Variants in KIAA1586 observed in about 807,000 individuals in gnomAD.
KIAA1586 encodes the protein E3 SUMO-protein ligase KIAA1586.
KIAA1586 carries 5 observed loss-of-function variants against 6.1 expected under a neutral mutation model. The ratio of observed to expected loss-of-function variants is 0.82; its 90% CI spans 0.43 to 1.73. The LOEUF (loss-of-function observed/expected upper bound fraction) is 1.73, where lower values mean the gene tolerates loss of function less well. KIAA1586 is among the 40% of genes most tolerant of loss of function. The probability of loss-of-function intolerance (pLI) is 0.02; values close to 1 mark genes in which losing one functional copy is unlikely to be tolerated. For missense variants in KIAA1586, 899 were observed against 878.2 expected, an observed-to-expected ratio of 1.02 and a Z score of -0.30; for synonymous variants, 280 against 301.7, an observed-to-expected ratio of 0.93 and a Z score of 0.75.
At chr6:57,063,450 C>CTT in the KIAA1586 span, among the ~76,000 whole-genome samples, 3,937 of 102,486 alleles carry the variant, frequency 0.038, 478 homozygotes, top group African/African-American at 0.11. Flanking sequence ...TATGTTATTT[C>CTT]TTTTTTTTTT....
At chr6:57,048,476 G>A (rs1056249999) in intron 2 of KIAA1586, among the ~76,000 whole-genome samples, 5 of 152,140 alleles carry the variant, frequency 3.3e-5, no homozygotes, top group Admixed American at 6.5e-5. Context: ...CCAATTAATA[G>A]TGTGTGTATA....
rs371673012 is a variant in KIAA1586, at chr6:57,050,205, C to T, written c.106-569C>T. ...GAAAGGAATCTACATGGCTTTATTC[C>T]TCTATATAGATTTAGGCTCTTTGGG... On this transcript the variant is annotated intron_variant, in intron 2 of 3. Transcript: ENST00000370733. Among the ~76,000 whole-genome samples the T allele has an allele frequency of 4.0e-5, 6 of 149,814 alleles. No homozygotes were observed. The South Asian group carries it at 8.5e-4, about 21-fold the overall frequency.
intron 2 of KIAA1586, among the ~76,000 whole-genome samples, chr6:57,049,105 C>T (rs1482034319): frequency 6.6e-6 from 1 of 152,144 alleles, no homozygotes; most frequent in African/African-American, 2.4e-5. Context: ...AAAGGTTTGA[C>T]AGCTCTTATA....
chr6:57,051,273 T>A (rs1828318461), intron 3 of KIAA1586, among the ~76,000 whole-genome samples: 1 of 151,498 alleles, frequency 6.6e-6, no homozygotes, highest in Admixed American at 6.6e-5. Context: ...TTTCAGGAAT[T>A]TTGTGAGCTG....
rs189136339 is a variant in KIAA1586, at chr6:57,054,076, T to G, written c.1577T>G (p.Leu526Arg). ...RLANINFLQD[L>R]ALMIDILEEF... ...GCTAACATTAATTTCTTACAAGACC[T>G]TGCTTTAATGATTGACATTCTTGAA... The change falls in exon 4 of 4, where the codon CTT (leucine) becomes CGT (arginine). Residue 526 changes from leucine to arginine, a missense_variant. By Grantham distance (102) the Leu-to-Arg change is moderately radical. Coordinates refer to ENST00000370733, the MANE Select transcript of KIAA1586 (RefSeq NM_020931.4). The G allele has an allele frequency of 3.4e-5, 54 of 1,611,142 alleles. No individual in the cohort carries two copies. In the East Asian group the frequency reaches 1.2e-3, roughly 35 times the overall value.
chr6:57,060,050 T>C (rs954911114), downstream of KIAA1586, among the ~76,000 whole-genome samples: 1 of 152,194 alleles, frequency 6.6e-6, no homozygotes, highest in African/African-American at 2.4e-5. Flanking sequence ...TACTAAGGAT[T>C]GACTATTCTA....
intron 3 of KIAA1586, among the ~76,000 whole-genome samples, chr6:57,051,838 G>A (rs532272187): frequency 5.3e-5 from 8 of 152,280 alleles, no homozygotes; most frequent in Non-Finnish European, 7.4e-5. Flanking sequence ...GCCAGGTGTC[G>A]TGGCACGTGC....
chr6:57,060,979 G>A, the KIAA1586 span, among the ~76,000 whole-genome samples: 4 of 147,248 alleles, frequency 2.7e-5, no homozygotes, highest in Admixed American at 6.8e-5. Context: ...ATTATGTTCC[G>A]CCTTTTTTTT....
intron 2 of KIAA1586, among the ~76,000 whole-genome samples, chr6:57,050,397 A>G (rs1337869418): frequency 6.6e-6 from 1 of 150,766 alleles, no homozygotes; most frequent in East Asian, 2.0e-4. Flanking sequence ...AGCTCACTGT[A>G]GCCCCAACTT....
chr6:57,055,025 G>T lies in KIAA1586; in HGVS notation c.*162G>T. The stretch of plus-strand genomic sequence containing the variant: ...ATAATCTTGAAGATTGGTTTTAGAA[G>T]CTATAGTTTTTTAGAGATTGGCCCA... On this transcript the variant is annotated 3_prime_UTR_variant, in exon 4 of 4. Coordinates refer to ENST00000370733, the MANE Select transcript of KIAA1586 (RefSeq NM_020931.4). 1.2e-6 allele frequency: 1 copy of T among 839,040 alleles called. No individual in the cohort carries two copies. The allele number at this position is 839,040 out of a possible 1,614,324, so 52.0% of individuals were successfully genotyped here. A position where few individuals can be genotyped will look rare whatever the true frequency, so the allele number is the denominator to read the frequency against.
intron 1 of KIAA1586, 118 bp downstream of exon 1, chr6:57,046,894 C>T: frequency 7.2e-7 from 1 of 1,380,998 alleles, no homozygotes; most frequent in South Asian, 1.3e-5. Context: ...TCTTCAGTGT[C>T]TTGGGCCGAG....
In KIAA1586 at chr6:57,054,271, C is replaced by T. The variant is rs1326852719; in HGVS notation, c.1772C>T (p.Pro591Leu). 3.8e-6 allele frequency: 6 copies of T among 1,583,000 alleles called. No individual in the cohort carries two copies. In the South Asian group the frequency reaches 6.9e-5, roughly 18 times the overall value. The change falls in exon 4 of 4, where the codon CCA becomes CTA. Residue 591 changes from proline (P) to leucine (L), a missense_variant. By Grantham distance (98) the Pro-to-Leu change is moderately conservative. Transcript: ENST00000370733. ...LIKSDKFKDI[P>L]FNKNNKFNAL... ...AAGTCAGATAAGTTTAAAGATATTC[C>T]ATTTAATAAAAACAATAAATTTAAT...
At chr6:57,049,869 A>AG (rs1470124704) in intron 2 of KIAA1586, among the ~76,000 whole-genome samples, 1 of 152,218 alleles carries the variant, frequency 6.6e-6, no homozygotes, top group Non-Finnish European at 1.5e-5. Context: ...ATGTAAAGAA[A>AG]GGATCAAGAA....
At chr6:57,050,720 A>C in intron 2 of KIAA1586, 54 bp from the exon 3 acceptor site, 1 of 1,238,600 alleles carries the variant, frequency 8.1e-7, no homozygotes, top group South Asian at 1.3e-5. Context: ...GTTAAATTTA[A>C]GTTTAATTGG....
At chr6:57,066,631 G>A in the KIAA1586 span, among the ~76,000 whole-genome samples, 1 of 152,200 alleles carries the variant, frequency 6.6e-6, no homozygotes, top group Non-Finnish European at 1.5e-5. Flanking sequence ...GACGTAAAAT[G>A]AATTCTGTTT....
chr6:57,063,450 C>CTTTT, the KIAA1586 span, among the ~76,000 whole-genome samples: 264 of 102,536 alleles, frequency 2.6e-3, 1 homozygote, highest in Middle Eastern at 8.8e-3. Context: ...TATGTTATTT[C>CTTTT]TTTTTTTTTT....
Position 57,054,583 on chromosome 6 carries a change from AG to A in KIAA1586, c.2085del (p.Ile696Ter). On this transcript the variant is annotated frameshift_variant, in exon 4 of 4. Coordinates refer to ENST00000370733, the MANE Select transcript of KIAA1586 (RefSeq NM_020931.4). LOFTEE classifies it low-confidence loss of function (END_TRUNC). ...SIPTTIYKAKKIVSTIAINSA... is the reference protein window; with the variant it reads ...SIPTTIYKAKXIVSTIAINSA... ...CCTACAACTATATACAAAGCTAAAAAGATAGTTAGCACCATTGCAATCAATA... is the reference window on the plus strand; with the variant it reads ...CCTACAACTATATACAAAGCTAAAAAATAGTTAGCACCATTGCAATCAATA... 4 of 1,607,916 alleles carry A rather than the reference AG, an allele frequency of 2.5e-6. No individual in the cohort carries two copies. The highest frequency in any genetic ancestry group is 3.4e-6 in the Non-Finnish European group (4 of 1,176,118).
chr6:57,054,032 T>A lies in KIAA1586; in HGVS notation c.1533T>A (p.Ser511=). 6.2e-7 allele frequency: 1 copy of A among 1,610,802 alleles called. No homozygotes were observed. The highest frequency in any genetic ancestry group is 8.5e-7 in the Non-Finnish European group (1 of 1,178,524). Residue 511 remains serine (S), a synonymous_variant, in exon 4 of 4, where the codon TCT becomes TCA. Transcript: ENST00000370733. ...ATATGCATTTTTCTCATTCTTACTC[T>A]GGTTTGGCGAAGAGATTAGCTAACA... is the stretch of plus-strand genomic sequence containing the variant. ...ILYMHFSHSY[S]GLAKRLANIN...
At position 57,046,729 on chromosome 6, in the gene KIAA1586, G is replaced by A; in HGVS notation, c.-27G>A. 9 of 1,612,406 alleles carry A rather than the reference G, an allele frequency of 5.6e-6. No individual in the cohort carries two copies. Among genetic ancestry groups the A allele is most frequent in the Non-Finnish European group, 7.6e-6 (9 of 1,179,358 alleles). On this transcript the variant is annotated 5_prime_UTR_variant, in exon 1 of 4. Transcript: ENST00000370733. ...CGGCAGTAGGGACAGCAGGAGCAGT[G>A]GTGCTGTCAGCGCGGCCGTCGGAGA...
Sources: allele counts gnomAD v4.1 joint callset (sites outside exome capture counted in the v4.1 genomes callset), GRCh38; gene constraint gnomAD v4.1.1; transcripts MANE v1.5; gene names NCBI Gene and HGNC (gene_info 2026-07-23, HGNC 2026-07-21).